The following SETD3 variants were observed in gnomAD, a reference collection of about 807,000 sequenced individuals.
The protein encoded by SETD3 is actin-histidine N-methyltransferase.
In SETD3, 19 loss-of-function variants were observed where a neutral mutation model predicts 63.0. The ratio of observed to expected loss-of-function variants is 0.30; its 90% CI spans 0.21 to 0.44. SETD3 has a LOEUF of 0.44. Ranked by LOEUF, SETD3 falls within the 20% of genes least tolerant of loss-of-function variation. The pLI is 1.00. For synonymous variants in SETD3, 286 were observed against 264.1 expected (o/e 1.08, Z -0.80); for missense variants, 587 against 728.5 (o/e 0.81, Z 2.24).
chr14:99,455,909 C>G (rs895680340), intron 6 of SETD3, among the ~76,000 whole-genome samples: 2 of 152,252 alleles, frequency 1.3e-5, no homozygotes, highest in East Asian at 3.8e-4. Flanking sequence ...AATCCCAGCA[C>G]TTTGGGAGGA....
At chr14:99,413,962 A>C in intron 6 of SETD3, 28 bp from the exon 7 acceptor site, 1 of 1,593,946 alleles carries the variant, frequency 6.3e-7, no homozygotes, top group Non-Finnish European at 8.6e-7. Context: ...TAGAAAGCAG[A>C]GGTGAAAAGA....
intron 6 of SETD3, among the ~76,000 whole-genome samples, chr14:99,416,178 A>G (rs1009885205): frequency 3.9e-5 from 6 of 152,338 alleles, no homozygotes; most frequent in South Asian, 2.1e-4. Context: ...TTGAACAAGG[A>G]TAAGACAAAT....
In SETD3 at chr14:99,454,678, A is replaced by G. The variant is rs115116977; in HGVS notation, c.675+3601T>C. Reference sequence around the variant, plus strand: ...TCACGTGGATCAACTCTGCTCGCTCAGCAACCCTGGGAGTCAGGCACTCCA... The same window carrying G: ...TCACGTGGATCAACTCTGCTCGCTCGGCAACCCTGGGAGTCAGGCACTCCA... On this transcript the variant is annotated intron_variant, in intron 6 of 12. Coordinates refer to ENST00000331768, the MANE Select transcript of SETD3 (RefSeq NM_032233.3). Among the ~76,000 whole-genome samples the G allele has an allele frequency of 5.9e-3, 902 of 152,352 alleles. 13 individuals carry two copies. The highest frequency in any genetic ancestry group is 0.021 in the African/African-American group (881 of 41,580).
chr14:99,471,226 T>C (rs1217261839), intron 1 of SETD3, among the ~76,000 whole-genome samples: 2 of 152,220 alleles, frequency 1.3e-5, no homozygotes, highest in African/African-American at 4.8e-5. Context: ...TCAAAATTTG[T>C]TGAGTAAAAG....
At chr14:99,472,755 A>G (rs1895771830) in intron 1 of SETD3, among the ~76,000 whole-genome samples, 1 of 152,244 alleles carries the variant, frequency 6.6e-6, no homozygotes, top group African/African-American at 2.4e-5. Flanking sequence ...ATTTTTTTCC[A>G]CAAAGTTTAG....
Position 99,405,387 on chromosome 14 carries a change from G to A in SETD3, c.925-16C>T, listed in dbSNP as rs754997388. 1.2e-6 allele frequency: 2 copies of A among 1,604,950 alleles called. No individual in the cohort carries two copies. Among genetic ancestry groups the A allele is most frequent in the South Asian group, 2.2e-5 (2 of 89,514 alleles). ...AAATGTAAATCTGAGATGCAGTAAA[G>A]AAAAAAGAAAAGGGCATTAGACAAA... On this transcript the variant is annotated splice_polypyrimidine_tract_variant and intron_variant, in intron 9 of 12. Coordinates refer to ENST00000331768, the MANE Select transcript of SETD3 (RefSeq NM_032233.3).
intron 4 of SETD3, among the ~76,000 whole-genome samples, chr14:99,460,414 C>A (rs534812594): frequency 6.6e-6 from 1 of 152,190 alleles, no homozygotes; most frequent in Admixed American, 6.5e-5. Context: ...AGACAGACTC[C>A]CCCACCTAGT....
At chr14:99,458,134 G>C in intron 6 of SETD3, 145 bp downstream of exon 6, 1 of 967,928 alleles carries the variant, frequency 1.0e-6, no homozygotes, top group East Asian at 2.7e-5. Context: ...AAAAACAAAC[G>C]ATGAAATGTA....
At chr14:99,414,096 T>C (rs1045116119) in intron 6 of SETD3, among the ~76,000 whole-genome samples, 162 bp from the exon 7 acceptor site, 1 of 152,264 alleles carries the variant, frequency 6.6e-6, no homozygotes, top group Non-Finnish European at 1.5e-5. Flanking sequence ...CGCGCTGTTA[T>C]GCTCTCATAC....
At chr14:99,401,928 T>C (rs901205389) in intron 11 of SETD3, among the ~76,000 whole-genome samples, 4 of 152,182 alleles carry the variant, frequency 2.6e-5, no homozygotes, top group Admixed American at 6.5e-5. Flanking sequence ...AAATAAAGCC[T>C]ACAAAAAGGG....
intron 6 of SETD3, among the ~76,000 whole-genome samples, chr14:99,435,442 G>A (rs1357427172): frequency 6.6e-6 from 1 of 152,110 alleles, no homozygotes; most frequent in Non-Finnish European, 1.5e-5. Context: ...CCGATAGCTT[G>A]TCAACTAGGG....
chr14:99,402,492 G>A lies in SETD3; in HGVS notation c.1177+1733C>T, dbSNP rs546020974. 1.9e-4 allele frequency among the ~76,000 whole-genome samples: 29 copies of A among 152,244 alleles called. No homozygotes were observed. The South Asian group carries it at 5.6e-3, about 29-fold the overall frequency. ...GGCTAGGGTGCAGTAGCAAGATCACGGCTCACTGCAGCCTCAACCTCCCAG... is the reference window on the plus strand; with the variant it reads ...GGCTAGGGTGCAGTAGCAAGATCACAGCTCACTGCAGCCTCAACCTCCCAG... On this transcript the variant is annotated intron_variant, in intron 11 of 12. Coordinates refer to ENST00000331768, the MANE Select transcript of SETD3 (RefSeq NM_032233.3).
chr14:99,469,055 A>C (rs573640008), intron 1 of SETD3, among the ~76,000 whole-genome samples: 50 of 152,368 alleles, frequency 3.3e-4, no homozygotes, highest in African/African-American at 1.1e-3. Flanking sequence ...TCCGCGTGAC[A>C]GACCATTAAA....
At chr14:99,430,988 T>C (rs1055262132) in intron 6 of SETD3, among the ~76,000 whole-genome samples, 5 of 152,168 alleles carry the variant, frequency 3.3e-5, no homozygotes, top group Non-Finnish European at 7.4e-5. Context: ...CAATAAAATG[T>C]CCTAAGCATC....
At chr14:99,427,293 AC>A (rs1255676426) in intron 6 of SETD3, among the ~76,000 whole-genome samples, 1 of 152,166 alleles carries the variant, frequency 6.6e-6, no homozygotes, top group African/African-American at 2.4e-5. Context: ...AAAATACGTT[AC>A]CCCATCATAA....
intron 6 of SETD3, among the ~76,000 whole-genome samples, chr14:99,423,251 T>C (rs1452945125): frequency 6.6e-6 from 1 of 152,138 alleles, no homozygotes; most frequent in African/African-American, 2.4e-5. Flanking sequence ...CTTTTTTGTA[T>C]CCTCTGAGAA....
chr14:99,407,468 A>C (rs575774937), intron 8 of SETD3, among the ~76,000 whole-genome samples: 1 of 152,302 alleles, frequency 6.6e-6, no homozygotes, highest in Admixed American at 6.5e-5. Context: ...CAACTCTTGG[A>C]ACCTAGTCTC....
intron 8 of SETD3, chr14:99,411,536 T>C (rs1401822637): frequency 6.6e-6 from 1 of 152,182 alleles, no homozygotes; most frequent in Non-Finnish European, 1.5e-5. Context: ...TTAATTCTTT[T>C]TGTTTGTTTA....
chr14:99,465,274 C>G (rs761729891), intron 2 of SETD3, among the ~76,000 whole-genome samples: 1 of 152,204 alleles, frequency 6.6e-6, no homozygotes, highest in Non-Finnish European at 1.5e-5. Context: ...CCGTGAAGTA[C>G]CTTCACACAC....
Sources: allele counts gnomAD v4.1 joint callset (sites outside exome capture counted in the v4.1 genomes callset), GRCh38; gene constraint gnomAD v4.1.1; transcripts MANE v1.5; gene names NCBI Gene and HGNC (gene_info 2026-07-23, HGNC 2026-07-21).